The following NELFB variants were observed in gnomAD, a reference collection of about 807,000 sequenced individuals.
NELFB encodes negative elongation factor complex member B, also known as negative elongation factor B.
A neutral mutation model predicts 60.2 loss-of-function variants in NELFB; 34 were observed. That is an observed-to-expected ratio of 0.56 (90% confidence interval 0.43 to 0.75). The LOEUF (loss-of-function observed/expected upper bound fraction) is 0.75. NELFB is among the 30% of genes least tolerant of loss of function. The pLI, the probability that NELFB is intolerant of heterozygous loss-of-function variation, is 0.00. For synonymous variants in NELFB, 459 were observed against 382.1 expected, an observed-to-expected ratio of 1.20 and a Z score of -2.35; for missense variants, 770 against 831.6, an observed-to-expected ratio of 0.93 and a Z score of 0.91.
At chr9:137,267,861 T>G (rs546448101) in intron 10 of NELFB, among the ~76,000 whole-genome samples, 380 of 152,332 alleles carry the variant, frequency 2.5e-3, no homozygotes, top group Non-Finnish European at 4.0e-3. Flanking sequence ...AACTTTGTGC[T>G]TTCCCACAAA....
chr9:137,255,801 G>T, intron 1 of NELFB, 106 bp from the exon 2 acceptor site: 1 of 1,540,744 alleles, frequency 6.5e-7, no homozygotes, highest in East Asian at 2.3e-5. Flanking sequence ...TGCGGTTACC[G>T]CCAGCACGGC....
intron 6 of NELFB, among the ~76,000 whole-genome samples, 190 bp from the exon 7 acceptor site, chr9:137,265,687 T>C (rs923968439): frequency 1.6e-5 from 2 of 126,102 alleles, no homozygotes; most frequent in Non-Finnish European, 3.6e-5. Context: ...GCGCCCGGCC[T>C]GCCAAAGTGC....
chr9:137,264,617 C>T (rs998433474), intron 6 of NELFB, among the ~76,000 whole-genome samples: 2 of 152,238 alleles, frequency 1.3e-5, no homozygotes, highest in Non-Finnish European at 2.9e-5. Context: ...AGGCACGCGC[C>T]ACTGCGCTCA....
At chr9:137,265,845 G>A (rs754509770) in intron 6 of NELFB, 32 bp from the exon 7 acceptor site, 13 of 1,448,416 alleles carry the variant, frequency 9.0e-6, no homozygotes, top group South Asian at 2.3e-5. Context: ...GGCAACAGGC[G>A]TCGCATTAAT....
intron 8 of NELFB, 98 bp from the exon 9 acceptor site, chr9:137,266,846 G>T (rs1335909416): frequency 1.4e-6 from 2 of 1,445,176 alleles, no homozygotes; most frequent in Non-Finnish European, 1.9e-6. Flanking sequence ...TGAGGTATCT[G>T]GGGGAGTGGG....
chr9:137,267,163 G>A (rs1830530034), intron 9 of NELFB, 77 bp downstream of exon 9: 2 of 1,611,906 alleles, frequency 1.2e-6, no homozygotes, highest in Non-Finnish European at 1.7e-6. Flanking sequence ...CTGCCTCAGG[G>A]CTGGGCAGGG....
At chr9:137,265,729 C>T in intron 6 of NELFB, 148 bp from the exon 7 acceptor site, 3 of 614,274 alleles carry the variant, frequency 4.9e-6, no homozygotes, top group South Asian at 3.7e-5. Context: ...CGCGCTCGGC[C>T]ATCCTTAAGC....
Position 137,267,061 on chromosome 9 carries a change from A to G in NELFB, c.1357A>G (p.Asn453Asp), listed in dbSNP as rs1241717632. Residue 453 changes from asparagine to aspartate, a missense_variant, in exon 9 of 13, where the codon AAC becomes GAC. Physicochemically the swap from Asn to Asp is conservative, Grantham distance 23. Coordinates refer to ENST00000343053, the MANE Select transcript of NELFB (RefSeq NM_015456.5). ...GGAGAAAGCCCCAGTCTCATATCCA[A>G]ACACACTTCCCGAAAGCTTCACTAA... 1.9e-6 allele frequency: 3 copies of G among 1,613,966 alleles called. No homozygotes were observed. The highest frequency in any genetic ancestry group is 1.3e-5 in the African/African-American group (1 of 74,936).
chr9:137,263,670 G>A (rs1354231460), intron 5 of NELFB, among the ~76,000 whole-genome samples: 1 of 151,864 alleles, frequency 6.6e-6, no homozygotes, highest in Non-Finnish European at 1.5e-5. Flanking sequence ...GGGGGAAGGA[G>A]GCTAGTCCCC....
rs1830592390 is a variant in NELFB at position 137,272,210 on chromosome 9, C to T, written c.1619C>T (p.Thr540Ile). ...AGCCTCTTCGATGGCTTCTTCCTCA[C>T]CGCCTCTCCAAGGTAGGCCTGCTGG... Residue 540 changes from threonine to isoleucine, a missense_variant, in exon 11 of 13, where the codon ACC (threonine) becomes ATC (isoleucine). Coordinates refer to ENST00000343053, the MANE Select transcript of NELFB (RefSeq NM_015456.5). 1 of 1,614,042 alleles carries T rather than the reference C, an allele frequency of 6.2e-7. No individual in the cohort carries two copies.
intron 7 of NELFB, 70 bp from the exon 8 acceptor site, chr9:137,266,261 T>G: frequency 7.4e-7 from 1 of 1,345,952 alleles, no homozygotes; most frequent in Non-Finnish European, 1.0e-6. Context: ...GAGTAACGAG[T>G]AGGGTCAGAG....
In NELFB at chr9:137,263,886, G is replaced by A. The variant is rs376777721; in HGVS notation, c.928-359G>A. Among the ~76,000 whole-genome samples the A allele has an allele frequency of 2.0e-4, 30 of 152,206 alleles. No individual in the cohort carries two copies. The South Asian group carries it at 4.4e-3, about 22-fold the overall frequency. On this transcript the variant is annotated intron_variant, in intron 5 of 12. Coordinates refer to ENST00000343053, the MANE Select transcript of NELFB (RefSeq NM_015456.5). Reference sequence around the variant, plus strand: ...GCCAGGTACCAAGTGCTCTAGGAACGGGGTTTCCCTTCATACGGACCCTCC... The same window carrying A: ...GCCAGGTACCAAGTGCTCTAGGAACAGGGTTTCCCTTCATACGGACCCTCC...
At chr9:137,262,062 A>G (rs1830455092) in intron 4 of NELFB, among the ~76,000 whole-genome samples, 1 of 152,146 alleles carries the variant, frequency 6.6e-6, no homozygotes, top group South Asian at 2.1e-4. Flanking sequence ...TCACTAATTG[A>G]CTACTGCTAT....
Position 137,257,072 on chromosome 9 carries a change from G to A in NELFB, c.741+18G>A, listed in dbSNP as rs368548639. On this transcript the variant is annotated intron_variant, in intron 4 of 12. Transcript: ENST00000343053. Reference sequence around the variant, plus strand: ...AGGGCGAGGTGAGGGGACAGGCCGTGTGCGGGGTGGGGCACCTCTTGGGGA... The same window carrying A: ...AGGGCGAGGTGAGGGGACAGGCCGTATGCGGGGTGGGGCACCTCTTGGGGA... 454 of 1,602,190 alleles carry A rather than the reference G, an allele frequency of 2.8e-4. 1 individual carries two copies. Among genetic ancestry groups the A allele is most frequent in the Non-Finnish European group, 3.6e-4 (422 of 1,173,062 alleles).
intron 4 of NELFB, among the ~76,000 whole-genome samples, chr9:137,262,570 T>C (rs1830462591): frequency 6.6e-6 from 1 of 152,266 alleles, no homozygotes; most frequent in Non-Finnish European, 1.5e-5. Context: ...AATATTCAAA[T>C]ATAATCATAT....
chr9:137,261,648 A>G (rs1195384881), intron 4 of NELFB, among the ~76,000 whole-genome samples: 1 of 84,292 alleles, frequency 1.2e-5, no homozygotes, highest in Non-Finnish European at 2.8e-5. Flanking sequence ...ACAGCGCAAG[A>G]CTCCGTCTCA....
chr9:137,259,788 G>A (rs1444380437), intron 4 of NELFB, among the ~76,000 whole-genome samples: 1 of 145,612 alleles, frequency 6.9e-6, no homozygotes, highest in African/African-American at 2.5e-5. Context: ...GCAGTGGCAC[G>A]ATCTTGGCTC....
chr9:137,259,541 C>A (rs572117135), intron 4 of NELFB, among the ~76,000 whole-genome samples: 1 of 152,178 alleles, frequency 6.6e-6, no homozygotes, highest in Non-Finnish European at 1.5e-5. Flanking sequence ...TTTCTCCTAT[C>A]GCCTGTCTCT....
chr9:137,257,969 A>AAT (rs1420539100), intron 4 of NELFB, among the ~76,000 whole-genome samples: 3 of 150,720 alleles, frequency 2.0e-5, no homozygotes, highest in East Asian at 2.0e-4. Context: ...GCTACTTAAA[A>AAT]ATATATATAT....
Sources: gnomAD v4.1 joint callset for allele counts (sites outside exome capture counted in the v4.1 genomes callset) on GRCh38, gnomAD v4.1.1 for gene constraint, MANE v1.5 for transcripts, NCBI Gene and HGNC (gene_info 2026-07-23, HGNC 2026-07-21) for gene names.